The following RRN3 variants were observed in gnomAD, a reference collection of about 807,000 sequenced individuals.
The protein encoded by RRN3 is RNA polymerase I transcription factor RRN3.
Under a neutral mutation model 82.3 loss-of-function variants are expected in RRN3, and 38 were observed. That is an observed-to-expected ratio of 0.46 (90% CI 0.36 to 0.61). The LOEUF is 0.61. Among genes scored for constraint, RRN3 ranks in the 20% least tolerant of loss-of-function variants. The pLI is 0.00. For synonymous variants in RRN3, 284 were observed against 284.3 expected, an observed-to-expected ratio of 1.00 and a Z score of 0.01; for missense variants, 726 against 793.1, an observed-to-expected ratio of 0.92 and a Z score of 1.02.
Position 15,085,706 on chromosome 16 carries a change from G to C in RRN3, c.473-8C>G, listed in dbSNP as rs1166042417. On this transcript the variant is annotated splice_polypyrimidine_tract_variant and splice_region_variant and intron_variant, in intron 5 of 17. Coordinates refer to ENST00000198767, the MANE Select transcript of RRN3 (RefSeq NM_018427.5). ...CCTTAATGATCACTCGGGCTTTTGA[G>C]GGAAAAAGAAAATATGTTATTCTGT... 1 of 1,612,854 alleles carries C rather than the reference G, an allele frequency of 6.2e-7. No individual in the cohort carries two copies. The highest frequency in any genetic ancestry group is 1.1e-5 in the South Asian group (1 of 90,986).
At chr16:15,090,153 T>G (rs1382817067) in intron 3 of RRN3, among the ~76,000 whole-genome samples, 7 of 151,876 alleles carry the variant, frequency 4.6e-5, no homozygotes, top group African/African-American at 1.2e-4. Flanking sequence ...AAGGTTGCAG[T>G]GAGCCCAGAT....
Position 15,076,665 on chromosome 16 carries a change from G to GAA in RRN3, c.766-17_766-16dup. 4 of 1,493,058 alleles carry GAA rather than the reference G, an allele frequency of 2.7e-6. No individual in the cohort carries two copies. The highest frequency in any genetic ancestry group is 3.7e-6 in the Non-Finnish European group (4 of 1,079,978). 92.5% of individuals were successfully genotyped at this position (1,493,058 alleles called of 1,614,324 possible). A position where few individuals can be genotyped will look rare whatever the true frequency, so the allele number is the denominator to read the frequency against. On this transcript the variant is annotated splice_polypyrimidine_tract_variant and intron_variant, in intron 9 of 17. Coordinates refer to ENST00000198767, the MANE Select transcript of RRN3 (RefSeq NM_018427.5). ...GATGCATTCACCTATAACAAAGGGAGAAAAAAAAAGAATAAAAGGATTTAA... is the reference window on the plus strand; with the variant it reads ...GATGCATTCACCTATAACAAAGGGAGAAAAAAAAAAAGAATAAAAGGATTTAA...
chr16:15,072,048 T>G (rs558432784), intron 12 of RRN3, among the ~76,000 whole-genome samples: 2 of 151,994 alleles, frequency 1.3e-5, no homozygotes, highest in African/African-American at 4.8e-5. Context: ...ATGCCAATCA[T>G]GGAAAAAAAC....
chr16:15,094,148 G>T lies in RRN3; in HGVS notation c.86C>A (p.Thr29Asn), dbSNP rs2057171816. Residue 29 changes from threonine (T) to asparagine (N), a missense_variant, in exon 1 of 18, where the codon ACT becomes AAT. Around this residue, in one of 4 missense-constraint regions of RRN3, gnomAD observed 135 missense variants for 87.4 expected, o/e 1.55. Transcript: ENST00000198767. ...SAVKKLGASR[T>N]GISNMRALEN... ...AAGGAAGCGGCCTGAATCTTACCCA[G>T]TCCTCGACGCGCCCAGCTTCTTAAC... is the stretch of plus-strand genomic sequence containing the variant. The T allele has an allele frequency of 6.3e-7, 1 of 1,596,974 alleles. No homozygotes were observed. Among genetic ancestry groups the T allele is most frequent in the Non-Finnish European group, 8.5e-7 (1 of 1,171,698 alleles).
chr16:15,063,351 C>A, intron 16 of RRN3, 68 bp from the exon 17 acceptor site: 1 of 1,173,290 alleles, frequency 8.5e-7, no homozygotes, highest in Non-Finnish European at 1.3e-6. Flanking sequence ...TGGTTTGGAT[C>A]TTTTCTCACA....
At position 15,092,575 on chromosome 16, in the gene RRN3, A is replaced by G; in HGVS notation, c.129T>C (p.Asn43=). The change falls in exon 2 of 18, where the codon AAT becomes AAC. Residue 43 remains asparagine, a synonymous_variant. Transcript: ENST00000198767. ...NMRALENDFF[N]SPPRKTVRFG... The stretch of plus-strand genomic sequence containing the variant: ...ACCGAACAGTTTTTCTTGGGGGAGA[A>G]TTGAAAAAGTCATTCTCTAATGCAC... The G allele has an allele frequency of 6.2e-7, 1 of 1,613,580 alleles. No individual in the cohort carries two copies. Among genetic ancestry groups the G allele is most frequent in the South Asian group, 1.1e-5 (1 of 91,066 alleles).
intron 3 of RRN3, among the ~76,000 whole-genome samples, chr16:15,087,045 A>T (rs1447983841): frequency 6.6e-6 from 1 of 152,238 alleles, no homozygotes; most frequent in Admixed American, 6.5e-5. Context: ...GTGACATGAG[A>T]AGAACTGCTA....
rs532786596 is a variant in RRN3 at position 15,088,028 on chromosome 16, T to C, written c.253-1574A>G. 7.9e-5 allele frequency among the ~76,000 whole-genome samples: 12 copies of C among 151,960 alleles called. No individual in the cohort carries two copies. In the East Asian group the frequency reaches 1.5e-3, roughly 20 times the overall value. On this transcript the variant is annotated intron_variant, in intron 3 of 17. Coordinates refer to ENST00000198767, the MANE Select transcript of RRN3 (RefSeq NM_018427.5). ...ACTCGGGAGGCTGAGGCAGGAGAAT[T>C]GCTTAAAAAACTCGGAGGCAGAGGT...
At chr16:15,088,878 T>C (rs1250967945) in intron 3 of RRN3, among the ~76,000 whole-genome samples, 1 of 151,892 alleles carries the variant, frequency 6.6e-6, no homozygotes. Context: ...ATGGACTCAA[T>C]GAAGGAACAA....
Position 15,061,681 on chromosome 16 carries a change from G to A in RRN3, c.*63C>T. The A allele has an allele frequency of 6.6e-7, 1 of 1,504,062 alleles. No individual in the cohort carries two copies. Among genetic ancestry groups the A allele is most frequent in the Non-Finnish European group, 9.2e-7 (1 of 1,091,126 alleles). The allele number at this position is 1,504,062 out of a possible 1,614,324, so 93.2% of individuals were successfully genotyped here. On this transcript the variant is annotated 3_prime_UTR_variant, in exon 18 of 18. Coordinates refer to ENST00000198767, the MANE Select transcript of RRN3 (RefSeq NM_018427.5). Reference sequence around the variant, plus strand: ...CAATGCCCAATGGCACAAGCTGGGTGCTGAGGGCATGACAAGTGATGGGGA... The same window carrying A: ...CAATGCCCAATGGCACAAGCTGGGTACTGAGGGCATGACAAGTGATGGGGA...
rs767585137 is a variant in RRN3 at position 15,094,223 on chromosome 16, G to A, written c.11C>T (p.Pro4Leu). The change falls in exon 1 of 18, where the codon CCG becomes CTG. Residue 4 changes from proline (P) to leucine (L), a missense_variant. By Grantham distance (98) the Pro-to-Leu change is moderately conservative (BLOSUM62 -3). Transcript: ENST00000198767. ...TCCCGGCAAACGCGTGTGAAGCAGC[G>A]GTGCCGCCATTGGGCCGAACTAACG... is the stretch of plus-strand genomic sequence containing the variant. MAA[P>L]LLHTRLPGDA... 132 of 1,591,322 alleles carry A rather than the reference G, an allele frequency of 8.3e-5. No individual in the cohort carries two copies. Among genetic ancestry groups the A allele is most frequent in the Non-Finnish European group, 1.0e-4 (122 of 1,169,680 alleles).
chr16:15,069,184 C>T (rs1166080474), intron 14 of RRN3, among the ~76,000 whole-genome samples: 4 of 152,124 alleles, frequency 2.6e-5, no homozygotes, highest in African/African-American at 7.2e-5. Context: ...GCAGAGGACA[C>T]CTGGCAGTAT....
chr16:15,086,310 C>T, intron 4 of RRN3, 52 bp from the exon 5 acceptor site: 3 of 1,604,872 alleles, frequency 1.9e-6, no homozygotes, highest in Non-Finnish European at 2.6e-6. Flanking sequence ...ATAACATATA[C>T]TATTACCAAA....
At chr16:15,067,269 T>C (rs1231253335) in intron 15 of RRN3, among the ~76,000 whole-genome samples, 1 of 150,802 alleles carries the variant, frequency 6.6e-6, no homozygotes, top group Non-Finnish European at 1.5e-5. Context: ...AATATTCAAT[T>C]CTCCAATTCG....
chr16:15,077,746 C>CA (rs2045523870), intron 9 of RRN3, among the ~76,000 whole-genome samples: 1 of 152,214 alleles, frequency 6.6e-6, no homozygotes. Context: ...GAGGCTGAGG[C>CA]AGGAGAACTG....
In RRN3 at chr16:15,092,434, T is replaced by A. The variant is rs2046171226; in HGVS notation, c.195+75A>T. 1.6e-5 allele frequency: 14 copies of A among 850,410 alleles called. No individual in the cohort carries two copies. The East Asian group carries it at 3.1e-4, about 19-fold the overall frequency. The allele number at this position is 850,410 out of a possible 1,614,324, so 52.7% of individuals were successfully genotyped here. A position where few individuals can be genotyped will look rare whatever the true frequency, so the allele number is the denominator to read the frequency against. On this transcript the variant is annotated intron_variant, in intron 2 of 17. Transcript: ENST00000198767. ...ATCTTAATTAATCTTGCTATTTCTA[T>A]TGGTCTTTAGTATAACAGCAATAGT...
At chr16:15,068,773 G>A (rs909756187) in intron 14 of RRN3, among the ~76,000 whole-genome samples, 2 of 152,014 alleles carry the variant, frequency 1.3e-5, no homozygotes, top group African/African-American at 2.4e-5. Context: ...CTACCTCAAC[G>A]GACGGCAAAT....
At position 15,079,090 on chromosome 16, in the gene RRN3, G is replaced by A. The variant is rs954731470; in HGVS notation, c.765+908C>T. Among the ~76,000 whole-genome samples the A allele has an allele frequency of 3.0e-4, 46 of 152,054 alleles. 1 individual carries two copies. Among genetic ancestry groups the A allele is most frequent in the Non-Finnish European group, 2.6e-4 (18 of 68,012 alleles). ...CTCCCAAAGTGCTGGGATTACATGCGTGAGCCACCACGCCCGGCCTCCTCT... is the reference window on the plus strand; with the variant it reads ...CTCCCAAAGTGCTGGGATTACATGCATGAGCCACCACGCCCGGCCTCCTCT... On this transcript the variant is annotated intron_variant, in intron 9 of 17. Transcript: ENST00000198767.
chr16:15,068,364 AT>A (rs2045069620), intron 14 of RRN3, 87 bp from the exon 15 acceptor site: 3 of 1,463,136 alleles, frequency 2.1e-6, no homozygotes, highest in Non-Finnish European at 2.7e-6. Flanking sequence ...ATTATCACAC[AT>A]TTAAAAAAAA....
Sources: gnomAD v4.1 joint callset for allele counts (sites outside exome capture counted in the v4.1 genomes callset) on GRCh38, gnomAD v4.1.1 for gene constraint, gnomAD v4.1.1 regional missense constraint, MANE v1.5 for transcripts, NCBI Gene and HGNC (gene_info 2026-07-23, HGNC 2026-07-21) for gene names.